The following ADAM18 variants were observed in gnomAD, a reference collection of about 807,000 sequenced individuals.
ADAM18 encodes the protein ADAM metallopeptidase domain 18.
ADAM18 carries 117 observed loss-of-function variants against 94.4 expected under a neutral mutation model. The ratio of observed to expected loss-of-function variants is 1.24; its 90% confidence interval spans 1.07 to 1.45. The LOEUF (loss-of-function observed/expected upper bound fraction) is 1.45. Ranked by LOEUF, ADAM18 falls within the 40% of genes most tolerant of loss-of-function variation. ADAM18 has a pLI of 0.00. For synonymous variants in ADAM18, 327 were observed against 291.6 expected (o/e 1.12, Z -1.24); for missense variants, 936 against 880.0 (o/e 1.06, Z -0.81).
At position 39,723,178 on chromosome 8, in the gene ADAM18, AAC is replaced by A. The variant is rs200382239; in HGVS notation, c.2018-568_2018-567del. On this transcript the variant is annotated intron_variant, in intron 18 of 19. Transcript: ENST00000265707. Reference sequence around the variant, plus strand: ...ATCTCAACTTTTTAAGTATTAAAAAAACAAAGGTAATAATATGCTTATAGAAT... The same window carrying A: ...ATCTCAACTTTTTAAGTATTAAAAAAAAAGGTAATAATATGCTTATAGAAT... Among the ~76,000 whole-genome samples the A allele has an allele frequency of 4.8e-3, 679 of 140,044 alleles. 5 individuals are homozygous for A. The highest frequency in any genetic ancestry group is 0.022 in the East Asian group (102 of 4,678). 91.9% of individuals were successfully genotyped at this position (140,044 alleles called of 152,430 possible). A position where few individuals can be genotyped will look rare whatever the true frequency, so the allele number is the denominator to read the frequency against.
intron 17 of ADAM18, among the ~76,000 whole-genome samples, chr8:39,701,659 G>T (rs1195368925): frequency 1.3e-5 from 2 of 151,972 alleles, no homozygotes; most frequent in Admixed American, 1.3e-4. Context: ...ACTCAGGTGG[G>T]CCCCACTGTG....
chr8:39,701,118 A>C, intron 17 of ADAM18, among the ~76,000 whole-genome samples: 1 of 37,198 alleles, frequency 2.7e-5, no homozygotes, highest in Non-Finnish European at 6.5e-5. Context: ...ACTCTGTCTC[A>C]AAAAAAAAAA....
chr8:39,703,278 G>A (rs994745679), intron 17 of ADAM18, among the ~76,000 whole-genome samples: 1 of 151,996 alleles, frequency 6.6e-6, no homozygotes, highest in Non-Finnish European at 1.5e-5. Context: ...TTGGCTCTCC[G>A]GTTGACTGTT....
intron 2 of ADAM18, among the ~76,000 whole-genome samples, chr8:39,593,008 C>T (rs1475969708): frequency 6.6e-6 from 1 of 152,138 alleles, no homozygotes; most frequent in Non-Finnish European, 1.5e-5. Flanking sequence ...CTTGTTTCAG[C>T]TTCTGTATTG....
chr8:39,613,176 G>C (rs1347888682), intron 6 of ADAM18, among the ~76,000 whole-genome samples: 2 of 152,102 alleles, frequency 1.3e-5, no homozygotes, highest in African/African-American at 4.8e-5. Flanking sequence ...GCATGCAGGA[G>C]TGCAGACCCT....
chr8:39,722,022 A>ATT (rs1313422986), intron 18 of ADAM18, among the ~76,000 whole-genome samples: 1 of 150,728 alleles, frequency 6.6e-6, no homozygotes, highest in Non-Finnish European at 1.5e-5. Flanking sequence ...TAAAGAACAC[A>ATT]TTATATATAT....
chr8:39,666,660 A>G (rs937096923), intron 13 of ADAM18, among the ~76,000 whole-genome samples: 1 of 152,170 alleles, frequency 6.6e-6, no homozygotes, highest in Non-Finnish European at 1.5e-5. Context: ...GCGGCAGACA[A>G]GAGAAGAGAG....
chr8:39,636,001 G>GT (rs199533879), intron 7 of ADAM18, among the ~76,000 whole-genome samples: 10,553 of 140,976 alleles, frequency 0.075, 514 homozygotes, highest in Non-Finnish European at 0.1. Context: ...TAACCATTAA[G>GT]TTTTTTTGTT....
chr8:39,631,218 TAA>T (rs1435752406), intron 7 of ADAM18, among the ~76,000 whole-genome samples: 1 of 152,006 alleles, frequency 6.6e-6, no homozygotes, highest in African/African-American at 2.4e-5. Context: ...ACAGTTAATT[TAA>T]GTCCAATTTA....
intron 6 of ADAM18, among the ~76,000 whole-genome samples, chr8:39,615,315 C>T (rs1585900672): frequency 1.3e-5 from 2 of 150,962 alleles, no homozygotes; most frequent in East Asian, 3.9e-4. Context: ...AAAAACCATA[C>T]AATTACATGA....
intron 6 of ADAM18, among the ~76,000 whole-genome samples, chr8:39,619,033 A>G (rs1371860816): frequency 3.3e-5 from 5 of 152,336 alleles, no homozygotes; most frequent in Admixed American, 1.3e-4. Flanking sequence ...ATACTTAGAT[A>G]AAAATATTCT....
intron 2 of ADAM18, among the ~76,000 whole-genome samples, chr8:39,586,772 C>CTATCTA (rs1434766731): frequency 1.6e-5 from 2 of 124,438 alleles, no homozygotes; most frequent in African/African-American, 2.7e-5. Flanking sequence ...ATCTATCTAT[C>CTATCTA]TATCTATCTA....
intron 6 of ADAM18, among the ~76,000 whole-genome samples, chr8:39,624,560 G>C (rs1015007401): frequency 6.6e-6 from 1 of 152,094 alleles, no homozygotes; most frequent in Non-Finnish European, 1.5e-5. Flanking sequence ...TTTGTAGTGT[G>C]GTTTGAAGTC....
At chr8:39,618,285 C>G (rs915383200) in intron 6 of ADAM18, among the ~76,000 whole-genome samples, 1 of 151,904 alleles carries the variant, frequency 6.6e-6, no homozygotes, top group Admixed American at 6.6e-5. Context: ...CTGTGGTGCC[C>G]AACAATGCAT....
chr8:39,653,913 A>G (rs1475186082), intron 12 of ADAM18, among the ~76,000 whole-genome samples: 1 of 152,052 alleles, frequency 6.6e-6, no homozygotes, highest in Admixed American at 6.6e-5. Context: ...ATTGAACACT[A>G]GAACTTATGT....
chr8:39,624,532 C>A (rs1201631854), intron 6 of ADAM18, among the ~76,000 whole-genome samples: 1 of 152,134 alleles, frequency 6.6e-6, no homozygotes, highest in Non-Finnish European at 1.5e-5. Context: ...CAGTACAATG[C>A]TATTTTGGTT....
chr8:39,626,644 T>A (rs1037018512), intron 6 of ADAM18, among the ~76,000 whole-genome samples: 1 of 152,082 alleles, frequency 6.6e-6, no homozygotes, highest in African/African-American at 2.4e-5. Context: ...AATTTTCATC[T>A]TGAGTTTATT....
chr8:39,728,561 T>C (rs557880438), intron 19 of ADAM18, among the ~76,000 whole-genome samples: 56 of 152,274 alleles, frequency 3.7e-4, no homozygotes, highest in African/African-American at 1.3e-3. Flanking sequence ...AAATAAAGTC[T>C]TTAAGGTGTA....
At chr8:39,626,953 A>G (rs113100319) in intron 6 of ADAM18, among the ~76,000 whole-genome samples, 11 of 152,130 alleles carry the variant, frequency 7.2e-5, no homozygotes, top group African/African-American at 2.6e-4. Context: ...TTCTTTGTTG[A>G]CTTTCTGCCT....
Sources: allele counts gnomAD v4.1 joint callset (sites outside exome capture counted in the v4.1 genomes callset), GRCh38; gene constraint gnomAD v4.1.1; transcripts MANE v1.5; gene names NCBI Gene and HGNC (gene_info 2026-07-23, HGNC 2026-07-21).